HNF1B: variants seen among roughly 807,000 people sequenced by gnomAD.
HNF1B encodes the protein HNF1 homeobox B, also known as hepatocyte nuclear factor 1-beta.
HNF1B carries 8 observed loss-of-function variants against 61.7 expected under a neutral mutation model. The ratio of observed to expected loss-of-function variants is 0.13; its 90% CI spans 0.08 to 0.23. The LOEUF is 0.23. HNF1B is among the 10% of genes least tolerant of loss of function. HNF1B has a pLI of 1.00. For missense variants in HNF1B, 562 were observed against 714.5 expected (o/e 0.79, Z 2.43); for synonymous variants, 314 against 287.7 (o/e 1.09, Z -0.93).
intron 4 of HNF1B, among the ~76,000 whole-genome samples, chr17:37,712,480 T>A (rs1433914652): frequency 6.6e-6 from 1 of 152,118 alleles, no homozygotes; most frequent in Admixed American, 6.5e-5. Context: ...CAGTTCCCAG[T>A]AGGATGCTTC....
At position 37,744,662 on chromosome 17, in the gene HNF1B, A is replaced by G; in HGVS notation, c.223T>C (p.Ser75Pro). The G allele has an allele frequency of 6.2e-7, 1 of 1,613,268 alleles. No individual in the cohort carries two copies. Among genetic ancestry groups the G allele is most frequent in the Non-Finnish European group, 8.5e-7 (1 of 1,180,020 alleles). The part of the protein sequence containing the change: ...LTNGHAKGRL[S>P]GDEGSEDGDD... Reference sequence around the variant, plus strand: ...CCGTCCTCGGAGCCCTCGTCGCCGGACAAGCGGCCCTTGGCGTGGCCGTTG... The same window carrying G: ...CCGTCCTCGGAGCCCTCGTCGCCGGGCAAGCGGCCCTTGGCGTGGCCGTTG... Residue 75 changes from serine (S) to proline (P), a missense_variant, in exon 1 of 9, where the codon TCC (serine) becomes CCC (proline). Ser to Pro is a moderately conservative substitution (Grantham distance 74). Around this residue, in one of 6 missense-constraint regions of HNF1B, gnomAD observed 148 missense variants for 147.3 expected, o/e 1.00. Transcript: ENST00000617811.
intron 4 of HNF1B, chr17:37,720,881 G>A: frequency 1.0e-6 from 1 of 985,278 alleles, no homozygotes; most frequent in Non-Finnish European, 1.2e-6. Context: ...TAGTTCCCCT[G>A]GCTGTAGGGT....
At chr17:37,718,238 G>A (rs2033189287) in intron 4 of HNF1B, among the ~76,000 whole-genome samples, 1 of 152,162 alleles carries the variant, frequency 6.6e-6, no homozygotes, top group Admixed American at 6.5e-5. Flanking sequence ...TTGCACATGT[G>A]GGGAGGTAGA....
intron 4 of HNF1B, among the ~76,000 whole-genome samples, chr17:37,714,956 G>A (rs547875535): frequency 6.6e-6 from 1 of 152,066 alleles, no homozygotes; most frequent in Admixed American, 6.6e-5. Context: ...TGGCAGAACT[G>A]GGCCTTTGTG....
At chr17:37,729,408 G>A (rs549764778) in intron 4 of HNF1B, 26 of 148,344 alleles carry the variant, frequency 1.8e-4, no homozygotes, top group Non-Finnish European at 2.7e-4. Context: ...ACTCTAGCTC[G>A]GGTGACAGAG....
chr17:37,724,906 G>A (rs1283175341), intron 4 of HNF1B, among the ~76,000 whole-genome samples: 12 of 16,398 alleles, frequency 7.3e-4, no homozygotes, highest in African/African-American at 3.4e-3. Flanking sequence ...ATGTATGCGT[G>A]TGTGTGTGTG....
At chr17:37,741,779 T>G (rs748971923) in intron 1 of HNF1B, among the ~76,000 whole-genome samples, 1 of 152,240 alleles carries the variant, frequency 6.6e-6, no homozygotes, top group Non-Finnish European at 1.5e-5. Flanking sequence ...AATAGGGTAC[T>G]GTTCTAAGTG....
intron 1 of HNF1B, among the ~76,000 whole-genome samples, chr17:37,741,611 GA>G (rs2033993145): frequency 1.3e-5 from 2 of 152,302 alleles, no homozygotes; most frequent in South Asian, 4.1e-4. Flanking sequence ...TTTTAGGATG[GA>G]AAAATACTTT....
Position 37,703,074 on chromosome 17 carries a change from G to A in HNF1B, c.1339+1843C>T, listed in dbSNP as rs192007715. ...GTTACCACCTTCTCCACAGGCTTCC[G>A]CAATTCTGAGGCAGGGCCCATGGTA... On this transcript the variant is annotated intron_variant, in intron 6 of 8. Coordinates refer to ENST00000617811, the MANE Select transcript of HNF1B (RefSeq NM_000458.4). Among the ~76,000 whole-genome samples, 45 of 152,250 alleles carry A rather than the reference G, an allele frequency of 3.0e-4. 1 individual carries two copies. The highest frequency in any genetic ancestry group is 1.0e-3 in the African/African-American group (42 of 41,492).
intron 1 of HNF1B, among the ~76,000 whole-genome samples, chr17:37,740,005 T>A (rs1404473554): frequency 1.3e-5 from 2 of 152,174 alleles, no homozygotes; most frequent in Non-Finnish European, 2.9e-5. Flanking sequence ...TTTGCTCTTG[T>A]CACCCAGGCT....
At chr17:37,718,536 G>A (rs541607445) in intron 4 of HNF1B, among the ~76,000 whole-genome samples, 10 of 152,266 alleles carry the variant, frequency 6.6e-5, no homozygotes, top group African/African-American at 1.9e-4. Flanking sequence ...TGTTTGCACC[G>A]CTCCTTGCTA....
chr17:37,705,743 G>C (rs1032522232), intron 5 of HNF1B, among the ~76,000 whole-genome samples: 1 of 152,046 alleles, frequency 6.6e-6, no homozygotes, highest in South Asian at 2.1e-4. Context: ...TTCCTTGCTA[G>C]TACTGATATG....
At chr17:37,744,364 C>T (rs1031215910) in intron 1 of HNF1B, among the ~76,000 whole-genome samples, 177 bp downstream of exon 1, 1 of 152,204 alleles carries the variant, frequency 6.6e-6, no homozygotes, top group African/African-American at 2.4e-5. Context: ...GCCGCAGGGT[C>T]GTCCCGCTAA....
intron 8 of HNF1B, among the ~76,000 whole-genome samples, chr17:37,689,270 C>T (rs950862492): frequency 2.0e-5 from 3 of 151,996 alleles, no homozygotes; most frequent in Non-Finnish European, 4.4e-5. Context: ...TTTGCCTCCT[C>T]TTCCTCCCCT....
At chr17:37,703,574 G>C (rs1428858794) in intron 6 of HNF1B, among the ~76,000 whole-genome samples, 1 of 152,072 alleles carries the variant, frequency 6.6e-6, no homozygotes, top group Non-Finnish European at 1.5e-5. Context: ...GCTGGTTTTA[G>C]GTATCTTATC....
In HNF1B at chr17:37,721,213, T is replaced by C. The variant is rs61588684; in HGVS notation, c.1045+10382A>G. Among the ~76,000 whole-genome samples, 1,038 of 152,240 alleles carry C rather than the reference T, an allele frequency of 6.8e-3. 20 individuals carry two copies. Among genetic ancestry groups the C allele is most frequent in the African/African-American group, 0.023 (961 of 41,520 alleles). Reference sequence around the variant, plus strand: ...CGTTTATACCCATTATAAATCTGTTTATTGTGACTGGCCCCACCCAATCTG... The same window carrying C: ...CGTTTATACCCATTATAAATCTGTTCATTGTGACTGGCCCCACCCAATCTG... On this transcript the variant is annotated intron_variant, in intron 4 of 8. Coordinates refer to ENST00000617811, the MANE Select transcript of HNF1B (RefSeq NM_000458.4).
intron 5 of HNF1B, among the ~76,000 whole-genome samples, chr17:37,708,940 G>A (rs1353002907): frequency 1.3e-5 from 2 of 152,112 alleles, no homozygotes; most frequent in African/African-American, 2.4e-5. Flanking sequence ...GTGACTCACC[G>A]TTTCTGTGTT....
At chr17:37,711,676 TAGAA>T (rs2032940494) in intron 4 of HNF1B, among the ~76,000 whole-genome samples, 1 of 152,204 alleles carries the variant, frequency 6.6e-6, no homozygotes, top group Admixed American at 6.5e-5. Flanking sequence ...GCTCAGTGCT[TAGAA>T]AGACAGTGTT....
At chr17:37,720,300 C>T (rs2033267067) in intron 4 of HNF1B, among the ~76,000 whole-genome samples, 1 of 152,152 alleles carries the variant, frequency 6.6e-6, no homozygotes, top group South Asian at 2.1e-4. Context: ...AGTAGTAGAA[C>T]ATTAAAGTAA....
Sources: gnomAD v4.1 joint callset for allele counts (sites outside exome capture counted in the v4.1 genomes callset) on GRCh38, gnomAD v4.1.1 for gene constraint, gnomAD v4.1.1 regional missense constraint, MANE v1.5 for transcripts, NCBI Gene and HGNC (gene_info 2026-07-23, HGNC 2026-07-21) for gene names.